ZNF707: variants seen among roughly 807,000 people sequenced by gnomAD.
ZNF707 encodes zinc finger protein 707.
A neutral mutation model predicts 13.3 loss-of-function variants in ZNF707; 8 were observed. The ratio of observed to expected loss-of-function variants is 0.60; its 90% CI spans 0.35 to 1.09. The LOEUF is 1.09. Among genes scored for constraint, ZNF707 ranks in the 50% least tolerant of loss-of-function variants. The pLI, the probability that ZNF707 is intolerant of heterozygous loss-of-function variation, is 0.02. For synonymous variants in ZNF707, 225 were observed against 205.6 expected (o/e 1.09, Z -0.81); for missense variants, 530 against 512.6 (o/e 1.03, Z -0.33).
In ZNF707 at chr8:143,693,727, A is replaced by G. The variant is rs1817056594; in HGVS notation, c.313A>G (p.Lys105Glu). 2 of 1,612,180 alleles carry G rather than the reference A, an allele frequency of 1.2e-6. No homozygotes were observed. The highest frequency in any genetic ancestry group is 1.7e-6 in the Non-Finnish European group (2 of 1,179,338). ...RPCDHPAWAH[K>E]KTHVRRERAR... Reference sequence around the variant, plus strand: ...TTGTGATCATCCAGCTTGGGCTCACAAGAAAACCCACGTGCGGCGAGAAAG... The same window carrying G: ...TTGTGATCATCCAGCTTGGGCTCACGAGAAAACCCACGTGCGGCGAGAAAG... The change falls in exon 6 of 6, where the codon AAG (lysine) becomes GAG (glutamate). Residue 105 changes from lysine to glutamate, a missense_variant. Transcript: ENST00000358656. This position sits in a 1 kb window ranked among gnomAD's most constrained non-coding sequence, Gnocchi z 4.1.
In ZNF707 at chr8:143,694,534, C is replaced by A. The variant is rs782241373; in HGVS notation, c.*4C>A. 1.3e-6 allele frequency: 2 copies of A among 1,588,270 alleles called. No individual in the cohort carries two copies. The highest frequency in any genetic ancestry group is 1.7e-6 in the Non-Finnish European group (2 of 1,163,278). On this transcript the variant is annotated 3_prime_UTR_variant, in exon 6 of 6. Transcript: ENST00000358656. The surrounding 1 kb of genome is among the most constrained non-coding windows in gnomAD (Gnocchi z 4.4). ...TCACAGGCACGGGGAGGTGTAGGGG[C>A]GCCCGAAGAGTGGGGTGCTGCGCCT... is the stretch of plus-strand genomic sequence containing the variant.
chr8:143,688,527 A>C (rs1816496643), intron 1 of ZNF707: 1 of 151,774 alleles, frequency 6.6e-6, no homozygotes, highest in African/African-American at 2.4e-5. Context: ...GGTCCATGTC[A>C]CTTGGTCATG....
At position 143,693,449 on chromosome 8, in the gene ZNF707, G is replaced by C. The variant is rs572628166; in HGVS notation, c.257-222G>C. On this transcript the variant is annotated intron_variant, in intron 5 of 5. Transcript: ENST00000358656. This position sits in a 1 kb window ranked among gnomAD's most constrained non-coding sequence, Gnocchi z 4.1. ...ACCACAGGCGCCCGCCACTGCGCCC[G>C]GCTAATTTTTTGTATTTTTTTTTTT... Among the ~76,000 whole-genome samples, 6 of 121,840 alleles carry C rather than the reference G, an allele frequency of 4.9e-5. No homozygotes were observed. Among genetic ancestry groups the C allele is most frequent in the African/African-American group, 1.8e-4 (6 of 34,114 alleles). 79.9% of individuals were successfully genotyped at this position (121,840 alleles called of 152,430 possible).
At chr8:143,686,202 G>A (rs1816253522) in intron 1 of ZNF707, among the ~76,000 whole-genome samples, 1 of 151,996 alleles carries the variant, frequency 6.6e-6, no homozygotes, top group African/African-American at 2.4e-5. Flanking sequence ...GGTTCAAGCA[G>A]TTCTCCTGCT....
In ZNF707 at chr8:143,691,654, C is replaced by T. The variant is rs782633094; in HGVS notation, c.197C>T (p.Pro66Leu). ...TCTCGCCTGGAACAGTGGGAGGAGC[C>T]GTGGGTTGAAGACCGGGAGAGACCT... ...LVSRLEQWEE[P>L]WVEDRERPEF... is the part of the protein sequence containing the mutation. The change falls in exon 5 of 6, where the codon CCG (proline) becomes CTG (leucine). Residue 66 changes from proline to leucine, a missense_variant. Pro to Leu is a moderately conservative substitution (Grantham distance 98, BLOSUM62 -3). Coordinates refer to ENST00000358656, the MANE Select transcript of ZNF707 (RefSeq NM_001100598.2). The T allele has an allele frequency of 1.6e-5, 26 of 1,609,196 alleles. No homozygotes were observed. The highest frequency in any genetic ancestry group is 1.6e-4 in the Middle Eastern group (1 of 6,074).
intron 1 of ZNF707, 184 bp from the exon 2 acceptor site, chr8:143,689,020 G>GA (rs1816554746): frequency 6.6e-6 from 1 of 152,240 alleles, no homozygotes; most frequent in Non-Finnish European, 1.5e-5. Context: ...TAGCTTCTAA[G>GA]ATCAGTACTG....
At chr8:143,685,744 G>C (rs528070090) in intron 1 of ZNF707, among the ~76,000 whole-genome samples, 16 of 152,268 alleles carry the variant, frequency 1.1e-4, no homozygotes, top group African/African-American at 3.1e-4. Flanking sequence ...TGGGGAGACT[G>C]AGGTGGGAGG....
chr8:143,685,836 C>T (rs1437016281), intron 1 of ZNF707, among the ~76,000 whole-genome samples: 2 of 152,144 alleles, frequency 1.3e-5, no homozygotes, highest in Non-Finnish European at 2.9e-5. Flanking sequence ...GAGCAAGGAC[C>T]TGCCTCAGAG....
chr8:143,694,937 A>C lies in ZNF707; in HGVS notation c.*407A>C, dbSNP rs747210841. 83 of 191,292 alleles carry C rather than the reference A, an allele frequency of 4.3e-4. 1 individual carries two copies. Among genetic ancestry groups the C allele is most frequent in the Non-Finnish European group, 8.2e-4 (77 of 93,890 alleles). 11.8% of individuals were successfully genotyped at this position (191,292 alleles called of 1,614,324 possible). A position where few individuals can be genotyped will look rare whatever the true frequency, so the allele number is the denominator to read the frequency against. Reference sequence around the variant, plus strand: ...CTGGGCCTTTCCTTCCTGGCTCTGCACCCCATGCTGGCTGCCCGGTCTGGC... The same window carrying C: ...CTGGGCCTTTCCTTCCTGGCTCTGCCCCCCATGCTGGCTGCCCGGTCTGGC... On this transcript the variant is annotated 3_prime_UTR_variant, in exon 6 of 6. Coordinates refer to ENST00000358656, the MANE Select transcript of ZNF707 (RefSeq NM_001100598.2). The surrounding 1 kb of genome is among the most constrained non-coding windows in gnomAD (Gnocchi z 4.4).
chr8:143,692,316 G>C (rs1816887910), intron 5 of ZNF707: 1 of 1,289,632 alleles, frequency 7.8e-7, no homozygotes, highest in Admixed American at 2.3e-5. Flanking sequence ...CGACTGTGGA[G>C]TGTCAGGTTC....
intron 3 of ZNF707, 170 bp from the exon 4 acceptor site, chr8:143,690,903 C>G: frequency 1.2e-6 from 1 of 839,388 alleles, no homozygotes; most frequent in Non-Finnish European, 1.8e-6. Context: ...CCACAGAGGC[C>G]CATCTCCAGA....
At chr8:143,688,446 G>A (rs1816491878) in intron 1 of ZNF707, among the ~76,000 whole-genome samples, 1 of 152,000 alleles carries the variant, frequency 6.6e-6, no homozygotes. Flanking sequence ...AGTGTTGAGT[G>A]CAGGTGGTGG....
At chr8:143,689,983 G>A in intron 2 of ZNF707, 74 bp from the exon 3 acceptor site, 1 of 1,133,720 alleles carries the variant, frequency 8.8e-7, no homozygotes. Context: ...TTGCTGAGTG[G>A]GGGGGCTCCT....
At chr8:143,689,453 G>A (rs1816597890) in intron 2 of ZNF707, among the ~76,000 whole-genome samples, 152 bp downstream of exon 2, 2 of 152,308 alleles carry the variant, frequency 1.3e-5, no homozygotes, top group East Asian at 1.9e-4. Flanking sequence ...ATGCCAGGGT[G>A]GTTCTCTACA....
At chr8:143,690,815 C>G in intron 3 of ZNF707, 1 of 513,264 alleles carries the variant, frequency 1.9e-6, no homozygotes. Flanking sequence ...AGCCGGGGGG[C>G]TCTCTGGAGT....
chr8:143,691,530 T>C, intron 4 of ZNF707, 70 bp from the exon 5 acceptor site: 1 of 1,484,522 alleles, frequency 6.7e-7, no homozygotes, highest in Non-Finnish European at 9.1e-7. Context: ...GATGCACAAC[T>C]GCTCTGAGCC....
At position 143,694,194 on chromosome 8, in the gene ZNF707, C is replaced by T; in HGVS notation, c.780C>T (p.Tyr260=). Residue 260 remains tyrosine (Y), a synonymous_variant, in exon 6 of 6, where the codon TAC becomes TAT. Coordinates refer to ENST00000358656, the MANE Select transcript of ZNF707 (RefSeq NM_001100598.2). This position sits in a 1 kb window ranked among gnomAD's most constrained non-coding sequence, Gnocchi z 4.4. ...AGGTCCACACCGAGCACAGGCCCTA[C>T]TCGTGTGGCGACTGTGGGAAAGCCT... The part of the protein sequence containing the change: ...HRKVHTEHRP[Y]SCGDCGKAFK... 6.3e-7 allele frequency: 1 copy of T among 1,575,348 alleles called. No individual in the cohort carries two copies. Among genetic ancestry groups the T allele is most frequent in the East Asian group, 2.3e-5 (1 of 44,012 alleles).
rs577269757 is a variant in ZNF707, at chr8:143,691,898, A to G, written c.256+185A>G. On this transcript the variant is annotated intron_variant, in intron 5 of 5. Coordinates refer to ENST00000358656, the MANE Select transcript of ZNF707 (RefSeq NM_001100598.2). ...CAGCCACGCTCCTGCCCTGATGGAC[A>G]CTGGCCGGGGGTGGGGCTCGAAAGG... 1.3e-5 allele frequency: 13 copies of G among 1,027,130 alleles called. No homozygotes were observed. The East Asian group carries it at 2.6e-4, about 21-fold the overall frequency. The allele number at this position is 1,027,130 out of a possible 1,614,324, so 63.6% of individuals were successfully genotyped here. A position where few individuals can be genotyped will look rare whatever the true frequency, so the allele number is the denominator to read the frequency against.
chr8:143,691,757 G>C, intron 5 of ZNF707, 44 bp downstream of exon 5: 2 of 1,502,598 alleles, frequency 1.3e-6, no homozygotes, highest in Non-Finnish European at 1.8e-6. Flanking sequence ...CGTCCCTGTG[G>C]CCCACAGCTC....
Sources: allele counts gnomAD v4.1 joint callset (sites outside exome capture counted in the v4.1 genomes callset), GRCh38; gene constraint gnomAD v4.1.1; non-coding constraint Gnocchi (gnomAD v3.1); transcripts MANE v1.5; gene names NCBI Gene and HGNC (gene_info 2026-07-23, HGNC 2026-07-21).